CDH4: variants seen among roughly 807,000 people sequenced by gnomAD.
CDH4 encodes cadherin 4.
Under a neutral mutation model 86.0 loss-of-function variants are expected in CDH4, and 33 were observed. The ratio of observed to expected loss-of-function variants is 0.38; its 90% CI spans 0.29 to 0.51. The LOEUF is 0.51. Among genes scored for constraint, CDH4 ranks in the 20% least tolerant of loss-of-function variants. The probability of loss-of-function intolerance (pLI) is 0.86; values close to 1 mark genes in which losing one functional copy is unlikely to be tolerated. For missense variants in CDH4, 1,114 were observed against 1,307.4 expected, an observed-to-expected ratio of 0.85 and a Z score of 2.28; for synonymous variants, 555 against 549.4, an observed-to-expected ratio of 1.01 and a Z score of -0.14.
intron 13 of CDH4, among the ~76,000 whole-genome samples, chr20:61,931,982 G>A (rs1211458809): frequency 1.3e-5 from 2 of 152,104 alleles, no homozygotes; most frequent in East Asian, 1.9e-4. Context: ...GTCCAGCGAC[G>A]CCCTGGACTG....
intron 2 of CDH4, among the ~76,000 whole-genome samples, chr20:61,667,793 G>A (rs141498108): frequency 7.6e-4 from 116 of 152,326 alleles, no homozygotes; most frequent in African/African-American, 2.6e-3. Flanking sequence ...GAGTTTCCTG[G>A]ACAAGCAGGC....
chr20:61,673,844 G>C (rs1186563779), intron 2 of CDH4, among the ~76,000 whole-genome samples: 1 of 152,178 alleles, frequency 6.6e-6, no homozygotes, highest in African/African-American at 2.4e-5. Flanking sequence ...CTCTCTTCTA[G>C]ACAATATGAC....
intron 2 of CDH4, among the ~76,000 whole-genome samples, chr20:61,406,946 C>T (rs1428685077): frequency 6.6e-6 from 1 of 150,488 alleles, no homozygotes; most frequent in African/African-American, 2.5e-5. Flanking sequence ...TCTGCCTGGA[C>T]CTCCGTCTGC....
At position 61,729,110 on chromosome 20, in the gene CDH4, G is replaced by A. The variant is rs577380947; in HGVS notation, c.170-14453G>A. On this transcript the variant is annotated intron_variant, in intron 2 of 15. Transcript: ENST00000614565. ...CCATTAGCCCTGTTGCTCTGCGAGCGCTGACTGCAGCGTGTTTTGACAAGA... is the reference window on the plus strand; with the variant it reads ...CCATTAGCCCTGTTGCTCTGCGAGCACTGACTGCAGCGTGTTTTGACAAGA... Among the ~76,000 whole-genome samples the A allele has an allele frequency of 4.8e-3, 597 of 125,042 alleles. 1 individual carries two copies. The highest frequency in any genetic ancestry group is 0.035 in the South Asian group (108 of 3,086). 82.0% of individuals were successfully genotyped at this position (125,042 alleles called of 152,430 possible). A position where few individuals can be genotyped will look rare whatever the true frequency, so the allele number is the denominator to read the frequency against.
At chr20:61,914,222 G>A (rs1256743910) in intron 9 of CDH4, among the ~76,000 whole-genome samples, 3 of 152,282 alleles carry the variant, frequency 2.0e-5, no homozygotes, top group East Asian at 1.9e-4. Flanking sequence ...TGAGTCTCAC[G>A]GTGCTGCCTC....
chr20:61,777,045 T>A (rs1318886533), intron 4 of CDH4, among the ~76,000 whole-genome samples: 1 of 152,210 alleles, frequency 6.6e-6, no homozygotes, highest in African/African-American at 2.4e-5. Flanking sequence ...GCAGTTCAGA[T>A]GTAATTCGCC....
At chr20:61,922,959 A>G (rs1332535069) in intron 9 of CDH4, among the ~76,000 whole-genome samples, 2 of 152,184 alleles carry the variant, frequency 1.3e-5, no homozygotes, top group African/African-American at 2.4e-5. Context: ...TTTAACTTAC[A>G]TGTACAAAGA....
At chr20:61,638,088 G>C (rs964973489) in intron 2 of CDH4, among the ~76,000 whole-genome samples, 1 of 151,372 alleles carries the variant, frequency 6.6e-6, no homozygotes, top group African/African-American at 2.4e-5. Context: ...ACAGACATGA[G>C]GCTAATTAGG....
intron 2 of CDH4, among the ~76,000 whole-genome samples, chr20:61,297,344 G>A (rs369662127): frequency 2.6e-5 from 4 of 152,188 alleles, no homozygotes; most frequent in East Asian, 1.9e-4. Context: ...AGCCGAGATC[G>A]CGCCATTGTA....
chr20:61,565,910 C>T (rs946283253), intron 2 of CDH4, among the ~76,000 whole-genome samples: 2 of 152,194 alleles, frequency 1.3e-5, no homozygotes, highest in Non-Finnish European at 2.9e-5. Flanking sequence ...CATCCACCCC[C>T]TCTGTCCTCA....
At chr20:61,332,217 A>C (rs1225168480) in intron 2 of CDH4, among the ~76,000 whole-genome samples, 1 of 152,064 alleles carries the variant, frequency 6.6e-6, no homozygotes, top group Non-Finnish European at 1.5e-5. Context: ...ATCAGGAAGG[A>C]GCTAGCAAAT....
chr20:61,349,662 C>T (rs2084698566), intron 2 of CDH4, among the ~76,000 whole-genome samples: 1 of 152,186 alleles, frequency 6.6e-6, no homozygotes, highest in Non-Finnish European at 1.5e-5. Flanking sequence ...GGGCTCCCCA[C>T]AGCTCCCTTC....
intron 2 of CDH4, among the ~76,000 whole-genome samples, chr20:61,671,625 G>C (rs2145845991): frequency 6.6e-6 from 1 of 151,726 alleles, no homozygotes; most frequent in South Asian, 2.1e-4. Flanking sequence ...GGATGGATGG[G>C]TGTGTAGATG....
intron 2 of CDH4, chr20:61,719,600 C>T (rs2088008021): frequency 5.7e-6 from 1 of 176,084 alleles, no homozygotes; most frequent in South Asian, 1.3e-4. Flanking sequence ...GGATGCAAAA[C>T]GCATGGAGCT....
chr20:61,819,416 G>A (rs947657838), intron 4 of CDH4, among the ~76,000 whole-genome samples: 4 of 151,422 alleles, frequency 2.6e-5, no homozygotes, highest in Non-Finnish European at 5.9e-5. Flanking sequence ...CGCTCGCTCT[G>A]CCCCGGGAGC....
rs900680012 is a variant in CDH4 at position 61,518,548 on chromosome 20, C to A, written c.170-225015C>A. Among the ~76,000 whole-genome samples the A allele has an allele frequency of 6.6e-6, 1 of 151,634 alleles. No homozygotes were observed. The highest frequency in any genetic ancestry group is 2.4e-5 in the African/African-American group (1 of 41,256). On this transcript the variant is annotated intron_variant, in intron 2 of 15. Coordinates refer to ENST00000614565, the MANE Select transcript of CDH4 (RefSeq NM_001794.5). This position sits in a 1 kb window ranked among gnomAD's most constrained non-coding sequence, Gnocchi z 6.3. ...ATCCATCCATCTATCCATCATTCATCCATCATCCTTCTATTTGTCATCTAT... is the reference window on the plus strand; with the variant it reads ...ATCCATCCATCTATCCATCATTCATACATCATCCTTCTATTTGTCATCTAT...
At chr20:61,553,713 T>C (rs1198308681) in intron 2 of CDH4, among the ~76,000 whole-genome samples, 1 of 152,198 alleles carries the variant, frequency 6.6e-6, no homozygotes, top group Non-Finnish European at 1.5e-5. Context: ...CTTGAGAGTA[T>C]CTATCTTTTC....
At chr20:61,322,718 T>C (rs979255356) in intron 2 of CDH4, among the ~76,000 whole-genome samples, 1 of 151,854 alleles carries the variant, frequency 6.6e-6, no homozygotes, top group Non-Finnish European at 1.5e-5. Context: ...CACCGAGGGG[T>C]AGCATCCTGG....
intron 2 of CDH4, among the ~76,000 whole-genome samples, chr20:61,362,402 G>T (rs560782292): frequency 2.0e-5 from 3 of 151,424 alleles, no homozygotes; most frequent in African/African-American, 7.3e-5. Context: ...CTAGGACAGC[G>T]TAGGGGAGAG....
Sources: allele counts gnomAD v4.1 joint callset (sites outside exome capture counted in the v4.1 genomes callset), GRCh38; gene constraint gnomAD v4.1.1; non-coding constraint Gnocchi (gnomAD v3.1); transcripts MANE v1.5; gene names NCBI Gene and HGNC (gene_info 2026-07-23, HGNC 2026-07-21).